The following NLGN1 variants were observed in gnomAD, a reference collection of about 807,000 sequenced individuals.
NLGN1 encodes neuroligin-1.
NLGN1 carries 12 observed loss-of-function variants against 65.5 expected under a neutral mutation model. That is an observed-to-expected ratio of 0.18 (90% CI 0.12 to 0.30). NLGN1 has a LOEUF of 0.30. Among genes scored for constraint, NLGN1 ranks in the 10% least tolerant of loss-of-function variants. NLGN1 has a pLI of 1.00. For synonymous variants in NLGN1, 350 were observed against 359.5 expected (o/e 0.97, Z 0.30); for missense variants, 750 against 1,007.1 (o/e 0.74, Z 3.46).
At chr3:173,704,214 G>A (rs978902395) in intron 3 of NLGN1, among the ~76,000 whole-genome samples, 3 of 152,304 alleles carry the variant, frequency 2.0e-5, no homozygotes, top group Admixed American at 6.5e-5. Context: ...GCACATAGAA[G>A]TGTGTCCTAA....
intron 4 of NLGN1, among the ~76,000 whole-genome samples, chr3:173,966,869 T>C (rs963883896): frequency 1.3e-4 from 20 of 152,222 alleles, no homozygotes; most frequent in Admixed American, 1.2e-3. Flanking sequence ...GTGTACACCC[T>C]ATGACATGAA....
intron 3 of NLGN1, among the ~76,000 whole-genome samples, chr3:173,770,399 T>A (rs925350647): frequency 5.3e-5 from 8 of 152,196 alleles, no homozygotes; most frequent in African/African-American, 1.9e-4. Flanking sequence ...TGATACATCA[T>A]AATTTCTGCC....
chr3:173,587,459 C>A (rs9809658), intron 2 of NLGN1, among the ~76,000 whole-genome samples: 13,516 of 152,036 alleles, frequency 0.089, 1,022 homozygotes, highest in African/African-American at 0.21. Context: ...GGCCAGTAAA[C>A]GAAGAGCAAG....
intron 2 of NLGN1, among the ~76,000 whole-genome samples, chr3:173,520,759 A>G (rs1022223732): frequency 3.2e-4 from 49 of 152,232 alleles, no homozygotes; most frequent in African/African-American, 1.2e-3. Context: ...AACAAACAGA[A>G]GAGATGGTTT....
At chr3:173,615,429 C>CT (rs565109478) in intron 3 of NLGN1, among the ~76,000 whole-genome samples, 33 of 151,834 alleles carry the variant, frequency 2.2e-4, no homozygotes, top group Non-Finnish European at 4.6e-4. Flanking sequence ...AGAAATAGGG[C>CT]TTTTTTTGTT....
intron 2 of NLGN1, among the ~76,000 whole-genome samples, chr3:173,494,801 A>AT (rs1159530857): frequency 6.6e-6 from 1 of 151,544 alleles, no homozygotes; most frequent in South Asian, 2.1e-4. Context: ...TTATTTGATC[A>AT]TTTTTTTATA....
chr3:174,175,042 T>C (rs1314663242), intron 4 of NLGN1, among the ~76,000 whole-genome samples: 1 of 152,048 alleles, frequency 6.6e-6, no homozygotes, highest in African/African-American at 2.4e-5. Flanking sequence ...TTTTGAATGT[T>C]TTAAAACTTG....
intron 4 of NLGN1, among the ~76,000 whole-genome samples, chr3:174,200,952 C>A (rs1734338176): frequency 6.6e-6 from 1 of 152,096 alleles, no homozygotes; most frequent in South Asian, 2.1e-4. Flanking sequence ...GAAATTGAGC[C>A]CTGTCAGGGC....
intron 3 of NLGN1, among the ~76,000 whole-genome samples, chr3:173,693,987 T>C (rs895158408): frequency 6.6e-6 from 1 of 151,922 alleles, no homozygotes; most frequent in South Asian, 2.1e-4. Context: ...CTGCTGAGAA[T>C]AGGAAGAAAT....
intron 4 of NLGN1, among the ~76,000 whole-genome samples, chr3:173,826,917 G>A (rs528938508): frequency 1.3e-5 from 2 of 151,930 alleles, no homozygotes; most frequent in South Asian, 2.1e-4. Context: ...GGTTGGAGGA[G>A]GTATATAGGA....
chr3:173,928,030 G>A (rs1743342550), intron 4 of NLGN1, among the ~76,000 whole-genome samples: 1 of 152,140 alleles, frequency 6.6e-6, no homozygotes, highest in Admixed American at 6.6e-5. Context: ...CACATTTTCT[G>A]AAATACAAGT....
chr3:173,790,976 T>C (rs983473232), intron 3 of NLGN1, among the ~76,000 whole-genome samples: 4 of 152,194 alleles, frequency 2.6e-5, no homozygotes, highest in African/African-American at 9.7e-5. Flanking sequence ...TATCAATTAG[T>C]ATTAATGTAT....
rs371780798 is a variant in NLGN1 at position 173,802,577 on chromosome 3, G to A, written c.494-5103G>A. Reference sequence around the variant, plus strand: ...CTTTTTATCATTATTTTGTAGATGTGACTGTGAATAAAAATTGTGATCAAT... The same window carrying A: ...CTTTTTATCATTATTTTGTAGATGTAACTGTGAATAAAAATTGTGATCAAT... On this transcript the variant is annotated intron_variant, in intron 3 of 6. Transcript: ENST00000457714. Among the ~76,000 whole-genome samples the A allele has an allele frequency of 2.6e-5, 4 of 152,130 alleles. No individual in the cohort carries two copies. In the East Asian group the frequency reaches 7.7e-4, roughly 29 times the overall value.
At chr3:173,478,675 C>G (rs750778819) in intron 2 of NLGN1, among the ~76,000 whole-genome samples, 2 of 152,058 alleles carry the variant, frequency 1.3e-5, no homozygotes, top group African/African-American at 4.8e-5. Context: ...AATCCCAGCA[C>G]TTTGGGAGGC....
chr3:173,548,887 C>T (rs961225440), intron 2 of NLGN1, among the ~76,000 whole-genome samples: 16 of 151,950 alleles, frequency 1.1e-4, no homozygotes, highest in Middle Eastern at 3.4e-3. Context: ...TTATTCTACA[C>T]GGTACCACTA....
At chr3:173,620,182 G>T (rs73174593) in intron 3 of NLGN1, among the ~76,000 whole-genome samples, 1 of 152,076 alleles carries the variant, frequency 6.6e-6, no homozygotes, top group Non-Finnish European at 1.5e-5. Flanking sequence ...CCACGATAGG[G>T]AATAACTAGA....
rs537540496 is a variant in NLGN1 at position 173,784,080 on chromosome 3, G to A, written c.494-23600G>A. Among the ~76,000 whole-genome samples, 20 of 152,264 alleles carry A rather than the reference G, an allele frequency of 1.3e-4. No individual in the cohort carries two copies. In the East Asian group the frequency reaches 2.9e-3, roughly 22 times the overall value. ...TATGCACTGATAGGAGTCATAAAAT[G>A]TATGGAGCACTGATTATGTGCCAGG... On this transcript the variant is annotated intron_variant, in intron 3 of 6. Transcript: ENST00000457714.
At chr3:173,711,333 T>C (rs1768940654) in intron 3 of NLGN1, among the ~76,000 whole-genome samples, 1 of 152,284 alleles carries the variant, frequency 6.6e-6, no homozygotes, top group South Asian at 2.1e-4. Context: ...AGTGTGTAAG[T>C]TGTTTTCAGT....
chr3:174,095,479 TTGTG>T (rs145452364), intron 4 of NLGN1, among the ~76,000 whole-genome samples: 9 of 149,784 alleles, frequency 6.0e-5, no homozygotes, highest in East Asian at 2.0e-4. Flanking sequence ...GTGTGTATGC[TTGTG>T]TGTGTGTGTG....
Sources: gnomAD v4.1 joint callset for allele counts (sites outside exome capture counted in the v4.1 genomes callset) on GRCh38, gnomAD v4.1.1 for gene constraint, MANE v1.5 for transcripts, NCBI Gene and HGNC (gene_info 2026-07-23, HGNC 2026-07-21) for gene names.